The following GALNT1 variants were observed in gnomAD, a reference collection of about 807,000 sequenced individuals.
GALNT1 encodes the protein polypeptide N-acetylgalactosaminyltransferase 1.
In GALNT1, 17 loss-of-function variants were observed where a neutral mutation model predicts 65.7. The ratio of observed to expected loss-of-function variants is 0.26; its 90% confidence interval spans 0.18 to 0.39. GALNT1 has a LOEUF of 0.39. GALNT1 is among the 10% of genes least tolerant of loss of function. The pLI is 1.00. For synonymous variants in GALNT1, 210 were observed against 219.7 expected (o/e 0.96, Z 0.39); for missense variants, 460 against 672.8 (o/e 0.68, Z 3.50).
chr18:35,590,787 TG>T (rs2046434164), intron 1 of GALNT1, among the ~76,000 whole-genome samples: 2 of 152,176 alleles, frequency 1.3e-5, no homozygotes, highest in African/African-American at 2.4e-5. Context: ...TGGCAGGGAC[TG>T]TAAAAAAAGG....
At chr18:35,706,252 T>C (rs1444754168) in intron 11 of GALNT1, among the ~76,000 whole-genome samples, 3 of 152,142 alleles carry the variant, frequency 2.0e-5, no homozygotes, top group Non-Finnish European at 4.4e-5. Context: ...GGCTCAAGCC[T>C]GTAATCCCAG....
chr18:35,671,301 C>G (rs549195840), intron 3 of GALNT1, among the ~76,000 whole-genome samples: 49 of 152,306 alleles, frequency 3.2e-4, no homozygotes, highest in African/African-American at 1.2e-3. Flanking sequence ...ACTGCAGCCT[C>G]AACCTCCTGG....
At chr18:35,608,382 G>A (rs1247086159) in intron 1 of GALNT1, among the ~76,000 whole-genome samples, 1 of 152,096 alleles carries the variant, frequency 6.6e-6, no homozygotes, top group Non-Finnish European at 1.5e-5. Flanking sequence ...TTTATAAATA[G>A]AGGTAGTTTT....
At chr18:35,599,395 G>T (rs1375677511) in intron 1 of GALNT1, among the ~76,000 whole-genome samples, 3 of 135,208 alleles carry the variant, frequency 2.2e-5, no homozygotes, top group East Asian at 4.1e-4. Flanking sequence ...TTAAGACAAG[G>T]TCTCACTCTG....
At position 35,683,504 on chromosome 18, in the gene GALNT1, G is replaced by C. The variant is rs775214348; in HGVS notation, c.595G>C (p.Val199Leu). The change falls in exon 5 of 12, where the codon GTG becomes CTG. Residue 199 changes from valine to leucine, a missense_variant. Physicochemically the swap from Val to Leu is conservative, Grantham distance 32 (BLOSUM62 1). Coordinates refer to ENST00000269195, the MANE Select transcript of GALNT1 (RefSeq NM_020474.4). ...LIRARLKGAA[V>L]SKGQVITFLD... ...CAGAGCTAGATTAAAAGGAGCTGCT[G>C]TGTCTAAAGGCCAAGTGATCACCTT... 4 of 1,613,888 alleles carry C rather than the reference G, an allele frequency of 2.5e-6. No individual in the cohort carries two copies. The East Asian group carries it at 8.9e-5, about 36-fold the overall frequency.
chr18:35,614,590 AGT>A (rs2046759481), intron 1 of GALNT1, among the ~76,000 whole-genome samples: 1 of 152,186 alleles, frequency 6.6e-6, no homozygotes, highest in Non-Finnish European at 1.5e-5. Flanking sequence ...TGGAGATATG[AGT>A]TAGTGCAGTA....
intron 1 of GALNT1, among the ~76,000 whole-genome samples, chr18:35,607,503 A>G (rs2046665459): frequency 6.6e-6 from 1 of 152,136 alleles, no homozygotes; most frequent in African/African-American, 2.4e-5. Flanking sequence ...AGTTACATAC[A>G]GAGGCTTAGT....
intron 3 of GALNT1, among the ~76,000 whole-genome samples, chr18:35,666,964 A>G (rs1249551529): frequency 2.6e-5 from 4 of 152,186 alleles, no homozygotes; most frequent in Non-Finnish European, 4.4e-5. Context: ...AAGTTTTAGA[A>G]GACTTTTTAT....
At chr18:35,702,658 A>C (rs2048184048) in intron 9 of GALNT1, 2 of 301,262 alleles carry the variant, frequency 6.6e-6, no homozygotes, top group East Asian at 1.1e-4. Flanking sequence ...AATAACTTGA[A>C]AAAAATGAAA....
In GALNT1 at chr18:35,634,151, A is replaced by T. The variant is rs141011979; in HGVS notation, c.-103-20409A>T. On this transcript the variant is annotated intron_variant, in intron 1 of 11. Transcript: ENST00000269195. ...ATTTACCAAGTGTTTACTGTCATGT[A>T]TGAGTGTGTTGTTCATTTTCTCATT... Among the ~76,000 whole-genome samples the T allele has an allele frequency of 8.8e-4, 134 of 152,288 alleles. 1 individual carries two copies. The East Asian group carries it at 0.019, about 21-fold the overall frequency.
chr18:35,671,058 G>A (rs2047627577), intron 3 of GALNT1, among the ~76,000 whole-genome samples: 2 of 152,268 alleles, frequency 1.3e-5, no homozygotes, highest in South Asian at 4.1e-4. Context: ...TGATCTTGGG[G>A]TAGGAAAGGA....
intron 1 of GALNT1, among the ~76,000 whole-genome samples, chr18:35,620,032 T>C (rs899198759): frequency 6.6e-6 from 1 of 152,138 alleles, no homozygotes; most frequent in African/African-American, 2.4e-5. Flanking sequence ...ATCGCAAAGG[T>C]CCCTGTATTC....
intron 9 of GALNT1, among the ~76,000 whole-genome samples, chr18:35,698,419 A>G (rs2048098011): frequency 1.3e-5 from 2 of 152,160 alleles, no homozygotes; most frequent in Non-Finnish European, 2.9e-5. Flanking sequence ...CAGTGAGCCA[A>G]GATTGTGCCA....
chr18:35,684,706 G>GAGTTGGCAC (rs1408448375), intron 5 of GALNT1, among the ~76,000 whole-genome samples: 1 of 152,186 alleles, frequency 6.6e-6, no homozygotes, highest in African/African-American at 2.4e-5. Context: ...ATGCATCATT[G>GAGTTGGCAC]AGTTGGCACA....
At chr18:35,641,838 A>G (rs944894230) in intron 1 of GALNT1, among the ~76,000 whole-genome samples, 5 of 152,220 alleles carry the variant, frequency 3.3e-5, no homozygotes, top group Admixed American at 6.5e-5. Flanking sequence ...ATACGTATAT[A>G]CTTTAGATCA....
intron 1 of GALNT1, among the ~76,000 whole-genome samples, chr18:35,586,982 A>G (rs1477092272): frequency 6.6e-6 from 1 of 152,146 alleles, no homozygotes; most frequent in African/African-American, 2.4e-5. Context: ...TTGTCTCTCC[A>G]TTTATTTAGA....
intron 1 of GALNT1, among the ~76,000 whole-genome samples, chr18:35,616,383 A>G (rs1258325031): frequency 1.3e-5 from 2 of 152,120 alleles, no homozygotes; most frequent in African/African-American, 2.4e-5. Context: ...TGTTGGGAGT[A>G]TTGTTATACA....
chr18:35,705,055 C>G (rs2048234080), intron 11 of GALNT1, among the ~76,000 whole-genome samples: 1 of 152,206 alleles, frequency 6.6e-6, no homozygotes. Flanking sequence ...CTCTCTCCTT[C>G]TTCGTCCTAC....
chr18:35,593,595 G>A (rs2046470536), intron 1 of GALNT1, among the ~76,000 whole-genome samples: 1 of 152,030 alleles, frequency 6.6e-6, no homozygotes, highest in African/African-American at 2.4e-5. Context: ...ACTGGAGATG[G>A]CAAGCACCCC....
Sources: gnomAD v4.1 joint callset for allele counts (sites outside exome capture counted in the v4.1 genomes callset) on GRCh38, gnomAD v4.1.1 for gene constraint, MANE v1.5 for transcripts, NCBI Gene and HGNC (gene_info 2026-07-23, HGNC 2026-07-21) for gene names.